Variants in TP53BP1 observed in about 807,000 individuals in gnomAD.
The protein encoded by TP53BP1 is TP53-binding protein 1.
In TP53BP1, 61 loss-of-function variants were observed where a neutral mutation model predicts 200.8. The observed-to-expected ratio is 0.30, with a 90% CI of 0.25 to 0.38. The LOEUF (loss-of-function observed/expected upper bound fraction) is 0.38. TP53BP1 is among the 10% of genes least tolerant of loss of function. The pLI, the probability that TP53BP1 is intolerant of heterozygous loss-of-function variation, is 1.00. For missense variants in TP53BP1, 2,144 were observed against 2,371.9 expected, an observed-to-expected ratio of 0.90 and a Z score of 2.00; for synonymous variants, 822 against 844.3, an observed-to-expected ratio of 0.97 and a Z score of 0.46.
intron 12 of TP53BP1, among the ~76,000 whole-genome samples, chr15:43,453,975 G>C (rs889404392): frequency 6.6e-6 from 1 of 152,106 alleles, no homozygotes; most frequent in Non-Finnish European, 1.5e-5. Flanking sequence ...TGGAGGCCGA[G>C]GAAGGCAGAT....
chr15:43,453,410 A>T lies in TP53BP1; in HGVS notation c.2716+2482T>A, dbSNP rs551165379. Among the ~76,000 whole-genome samples, 5 of 152,234 alleles carry T rather than the reference A, an allele frequency of 3.3e-5. No homozygotes were observed. The South Asian group carries it at 1.0e-3, about 32-fold the overall frequency. Reference sequence around the variant, plus strand: ...ATTAAGCAGTTTTACAGGAAGAAAAAGCACAGCTGGGATCAGGAGACCTAG... The same window carrying T: ...ATTAAGCAGTTTTACAGGAAGAAAATGCACAGCTGGGATCAGGAGACCTAG... On this transcript the variant is annotated intron_variant, in intron 12 of 27. Coordinates refer to ENST00000382044, the MANE Select transcript of TP53BP1 (RefSeq NM_001141980.3).
intron 4 of TP53BP1, among the ~76,000 whole-genome samples, chr15:43,489,941 C>A (rs533975632): frequency 1.3e-5 from 2 of 152,252 alleles, no homozygotes; most frequent in South Asian, 2.1e-4. Context: ...GAGACAGGGT[C>A]TCACTCTATC....
At chr15:43,428,372 G>A (rs2249948) in intron 17 of TP53BP1, among the ~76,000 whole-genome samples, 5,335 of 152,232 alleles carry the variant, frequency 0.035, 309 homozygotes, top group African/African-American at 0.12. Context: ...GTTTATATGA[G>A]CATGACCTAA....
intron 21 of TP53BP1, among the ~76,000 whole-genome samples, chr15:43,419,279 C>T (rs1262580606): frequency 6.6e-6 from 1 of 152,138 alleles, no homozygotes; most frequent in Non-Finnish European, 1.5e-5. Context: ...AGATTAACAT[C>T]CTGCATCAGT....
intron 16 of TP53BP1, among the ~76,000 whole-genome samples, chr15:43,434,235 A>G (rs1440615301): frequency 6.6e-6 from 1 of 152,226 alleles, no homozygotes; most frequent in African/African-American, 2.4e-5. Context: ...AAATGTTCAT[A>G]TATGTAAAAT....
At position 43,466,604 on chromosome 15, in the gene TP53BP1, C is replaced by T. The variant is rs368865231; in HGVS notation, c.1389+3254G>A. On this transcript the variant is annotated intron_variant, in intron 11 of 27. Transcript: ENST00000382044. ...ACGGTAGCTCACATCTGTATGTAAT[C>T]CCAGCATTTTGGGAGGCCAAGGCAG... Among the ~76,000 whole-genome samples the T allele has an allele frequency of 1.6e-4, 24 of 152,188 alleles. 1 individual carries two copies. The South Asian group carries it at 5.0e-3, about 32-fold the overall frequency.
At chr15:43,429,229 C>T (rs1186175728) in intron 17 of TP53BP1, among the ~76,000 whole-genome samples, 1 of 152,116 alleles carries the variant, frequency 6.6e-6, no homozygotes, top group African/African-American at 2.4e-5. Context: ...TTTACCACCT[C>T]GAATCATTAG....
chr15:43,434,970 T>C (rs1020556100), intron 16 of TP53BP1, among the ~76,000 whole-genome samples: 2 of 152,078 alleles, frequency 1.3e-5, no homozygotes, highest in African/African-American at 4.8e-5. Flanking sequence ...GCTAAGAAAG[T>C]AAATTTTAGG....
intron 10 of TP53BP1, among the ~76,000 whole-genome samples, chr15:43,472,504 T>C (rs560479226): frequency 1.3e-5 from 2 of 152,344 alleles, no homozygotes; most frequent in South Asian, 4.1e-4. Context: ...GAAAGCTTTC[T>C]TGTGAATAAA....
intron 4 of TP53BP1, among the ~76,000 whole-genome samples, chr15:43,482,579 G>A (rs183963701): frequency 2.4e-4 from 36 of 152,068 alleles, no homozygotes; most frequent in African/African-American, 7.9e-4. Flanking sequence ...CCATCCCGGC[G>A]AACAAGGTGA....
In TP53BP1 at chr15:43,420,253, T is replaced by C. The variant is rs1339516113; in HGVS notation, c.4681+52A>G. ...TGGTAACTACTAACATAACAGAGTA[T>C]TATTGCCCCAAGGCACAAAAAAATC... On this transcript the variant is annotated intron_variant, in intron 21 of 27. Transcript: ENST00000382044. The C allele has an allele frequency of 9.2e-6, 14 of 1,527,774 alleles. 1 individual carries two copies. The highest frequency in any genetic ancestry group is 1.4e-5 in the African/African-American group (1 of 72,960). 94.6% of individuals were successfully genotyped at this position (1,527,774 alleles called of 1,614,324 possible). A position where few individuals can be genotyped will look rare whatever the true frequency, so the allele number is the denominator to read the frequency against.
chr15:43,444,124 A>G (rs898757523), intron 14 of TP53BP1, among the ~76,000 whole-genome samples: 3 of 152,240 alleles, frequency 2.0e-5, no homozygotes, highest in Non-Finnish European at 4.4e-5. Flanking sequence ...AACACTGAAT[A>G]CAGTCCTTGA....
At chr15:43,457,352 AAAT>A in intron 11 of TP53BP1, 134 bp from the exon 12 acceptor site, 1 of 887,870 alleles carries the variant, frequency 1.1e-6, no homozygotes, top group Non-Finnish European at 1.6e-6. Flanking sequence ...TAAAATTTCT[AAAT>A]CAAATTTAAG....
At chr15:43,500,306 C>G (rs761109285) in intron 1 of TP53BP1, among the ~76,000 whole-genome samples, 1 of 151,724 alleles carries the variant, frequency 6.6e-6, no homozygotes, top group Admixed American at 6.6e-5. Context: ...AAGATACTGT[C>G]TTTTTATTAA....
intron 18 of TP53BP1, among the ~76,000 whole-genome samples, chr15:43,425,710 T>C (rs1467185458): frequency 6.6e-6 from 1 of 152,232 alleles, no homozygotes; most frequent in Non-Finnish European, 1.5e-5. Flanking sequence ...TAATGTGGAC[T>C]ACAACAGTTA....
At chr15:43,414,005 C>G (rs777724980) in intron 23 of TP53BP1, 2 of 406,476 alleles carry the variant, frequency 4.9e-6, no homozygotes, top group Admixed American at 6.6e-5. Context: ...AACACCCATG[C>G]CAAGAGTGCC....
intron 11 of TP53BP1, among the ~76,000 whole-genome samples, chr15:43,464,060 G>T (rs1263847938): frequency 6.6e-6 from 1 of 152,144 alleles, no homozygotes; most frequent in African/African-American, 2.4e-5. Flanking sequence ...CCAATAAAAT[G>T]TCTCAGCGGA....
chr15:43,508,049 T>C (rs2079247598), intron 1 of TP53BP1, among the ~76,000 whole-genome samples: 1 of 152,226 alleles, frequency 6.6e-6, no homozygotes, highest in African/African-American at 2.4e-5. Flanking sequence ...ACAAGTGCTA[T>C]GTGCAATTTA....
chr15:43,456,312 C>T lies in TP53BP1; in HGVS notation c.2296G>A (p.Val766Met), dbSNP rs781093969. 2 of 1,614,136 alleles carry T rather than the reference C, an allele frequency of 1.2e-6. No individual in the cohort carries two copies. Among genetic ancestry groups the T allele is most frequent in the Non-Finnish European group, 8.5e-7 (1 of 1,180,046 alleles). Reference sequence around the variant, plus strand: ...TCAACTCTGGGAGATGGCTCTTTCACATCTACAATGACAACACTGGAGTCC... The same window carrying T: ...TCAACTCTGGGAGATGGCTCTTTCATATCTACAATGACAACACTGGAGTCC... Reference protein sequence around the residue: ...SEDSSVVIVDVKEPSPRVDVS... With the variant: ...SEDSSVVIVDMKEPSPRVDVS... Residue 766 changes from valine (V) to methionine (M), a missense_variant, in exon 12 of 28, where the codon GTG (valine) becomes ATG (methionine). Around this residue, in one of 4 missense-constraint regions of TP53BP1, gnomAD observed 1,700 missense variants for 1,710.3 expected, o/e 0.99. Transcript: ENST00000382044.
Sources: gnomAD v4.1 joint callset for allele counts (sites outside exome capture counted in the v4.1 genomes callset) on GRCh38, gnomAD v4.1.1 for gene constraint, gnomAD v4.1.1 regional missense constraint, MANE v1.5 for transcripts, NCBI Gene and HGNC (gene_info 2026-07-23, HGNC 2026-07-21) for gene names.